Variants in MAP2K3 observed in about 807,000 individuals in gnomAD.
MAP2K3 encodes dual specificity mitogen-activated protein kinase kinase 3.
MAP2K3 carries 30 observed loss-of-function variants against 46.4 expected under a neutral mutation model. That is an observed-to-expected ratio of 0.65 (90% CI 0.48 to 0.88). The LOEUF (loss-of-function observed/expected upper bound fraction) is 0.88, where lower values mean the gene tolerates loss of function less well. MAP2K3 is among the 40% of genes least tolerant of loss of function. The pLI is 0.00. For synonymous variants in MAP2K3, 189 were observed against 176.3 expected (o/e 1.07, Z -0.57); for missense variants, 380 against 464.5 (o/e 0.82, Z 1.67).
intron 1 of MAP2K3, chr17:21,296,317 C>A: frequency 1.5e-6 from 1 of 674,510 alleles, no homozygotes; most frequent in Non-Finnish European, 2.3e-6. Context: ...GGCTGCGCCA[C>A]TCCAAGCCCA....
intron 9 of MAP2K3, among the ~76,000 whole-genome samples, chr17:21,309,179 G>A (rs1370871815): frequency 1.3e-5 from 2 of 152,310 alleles, no homozygotes; most frequent in African/African-American, 4.8e-5. Context: ...GAGCATGGCA[G>A]TGTCAGCAGA....
intron 7 of MAP2K3, among the ~76,000 whole-genome samples, chr17:21,303,744 C>G (rs1409765961): frequency 3.3e-5 from 5 of 152,308 alleles, no homozygotes; most frequent in African/African-American, 1.2e-4. Context: ...TCAGTTTGTT[C>G]CTTTTTGCTG....
chr17:21,295,245 G>T (rs1410678034), intron 1 of MAP2K3, among the ~76,000 whole-genome samples: 2 of 152,308 alleles, frequency 1.3e-5, no homozygotes, highest in African/African-American at 4.8e-5. Flanking sequence ...ATAGGGCAGA[G>T]CTGCCACGGC....
Position 21,303,252 on chromosome 17 carries a change from A to G in MAP2K3, c.568+18A>G. ...CCACAGAGGTCAGTGCCCGGCAGCC[A>G]CCCAGGCACGGTGTAGCCAGTGGGA... On this transcript the variant is annotated intron_variant, in intron 7 of 11. Coordinates refer to ENST00000342679, the MANE Select transcript of MAP2K3 (RefSeq NM_145109.3). 6.2e-7 allele frequency: 1 copy of G among 1,613,728 alleles called. No individual in the cohort carries two copies. The highest frequency in any genetic ancestry group is 8.5e-7 in the Non-Finnish European group (1 of 1,179,988).
intron 10 of MAP2K3, 65 bp from the exon 11 acceptor site, chr17:21,313,427 G>C: frequency 6.9e-7 from 1 of 1,449,842 alleles, no homozygotes; most frequent in Non-Finnish European, 9.6e-7. Flanking sequence ...GGGTGGTTTG[G>C]CTGGCCCTTG....
At chr17:21,311,697 T>G (rs575661676) in intron 9 of MAP2K3, 1 of 157,746 alleles carries the variant, frequency 6.3e-6, no homozygotes, top group African/African-American at 2.4e-5. Context: ...CCCAAATTAA[T>G]GACAGCAGAT....
At chr17:21,298,390 G>T (rs763980655) in intron 1 of MAP2K3, 23 bp from the exon 2 acceptor site, 4 of 1,614,298 alleles carry the variant, frequency 2.5e-6, no homozygotes, top group Non-Finnish European at 3.4e-6. Context: ...TAGGCCAGAC[G>T]CCTCACCTTC....
intron 1 of MAP2K3, among the ~76,000 whole-genome samples, chr17:21,296,893 T>G (rs1409566072): frequency 6.8e-6 from 1 of 148,128 alleles, no homozygotes; most frequent in Non-Finnish European, 1.5e-5. Flanking sequence ...CCAGTGCATG[T>G]GGCGGCAGCT....
chr17:21,293,278 G>A (rs1362284428), intron 1 of MAP2K3, among the ~76,000 whole-genome samples: 2 of 152,428 alleles, frequency 1.3e-5, no homozygotes, highest in East Asian at 3.8e-4. Flanking sequence ...CGTGCCTTGT[G>A]CCCCAGCCAC....
At chr17:21,308,224 T>C (rs1019637009) in intron 9 of MAP2K3, among the ~76,000 whole-genome samples, 1 of 152,118 alleles carries the variant, frequency 6.6e-6, no homozygotes, top group Non-Finnish European at 1.5e-5. Flanking sequence ...CTCAGTTCAC[T>C]GCAACCTCCG....
rs577087121 is a variant in MAP2K3, at chr17:21,311,423, CAG to C, written c.775-715_775-714del. Among the ~76,000 whole-genome samples the C allele has an allele frequency of 1.4e-4, 22 of 152,086 alleles. No individual in the cohort carries two copies. The East Asian group carries it at 4.1e-3, about 28-fold the overall frequency. The stretch of plus-strand genomic sequence containing the variant: ...CAGGGCTGGGAGCTTGGAGCGAGGA[CAG>C]AGACCCACCGGCCCGATGTCACCCA... On this transcript the variant is annotated intron_variant, in intron 9 of 11. Transcript: ENST00000342679.
At chr17:21,298,579 C>A in intron 2 of MAP2K3, 100 bp downstream of exon 2, 2 of 1,585,722 alleles carry the variant, frequency 1.3e-6, no homozygotes, top group South Asian at 2.2e-5. Context: ...CCCTGCTTTA[C>A]CTCGTCCTGT....
chr17:21,298,845 C>T, intron 2 of MAP2K3, 33 bp from the exon 3 acceptor site: 2 of 1,614,290 alleles, frequency 1.2e-6, no homozygotes, highest in Non-Finnish European at 1.7e-6. Context: ...GTGTGGTTCT[C>T]TCTGAAGCTC....
Position 21,284,896 on chromosome 17 carries a change from C to A in MAP2K3, c.-25C>A, listed in dbSNP as rs1162536116. 1 of 1,611,520 alleles carries A rather than the reference C, an allele frequency of 6.2e-7. No homozygotes were observed. The highest frequency in any genetic ancestry group is 1.3e-5 in the African/African-American group (1 of 74,910). On this transcript the variant is annotated 5_prime_UTR_variant, in exon 1 of 12. Coordinates refer to ENST00000342679, the MANE Select transcript of MAP2K3 (RefSeq NM_145109.3). The stretch of plus-strand genomic sequence containing the variant: ...CCGCAGTCCTCTAGATTAGTCTCCA[C>A]CGCCGTCCAGGACCCACTTGCAGCA...
Position 21,300,608 on chromosome 17 carries a change from G to A in MAP2K3, c.229G>A (p.Val77Met). Residue 77 changes from valine to methionine, a missense_variant, in exon 4 of 12, where the codon GTG becomes ATG. Around this residue, in one of 5 missense-constraint regions of MAP2K3, gnomAD observed 294 missense variants for 275.4 expected, o/e 1.07. Coordinates refer to ENST00000342679, the MANE Select transcript of MAP2K3 (RefSeq NM_145109.3). ...ISELGRGAYG[V>M]VEKVRHAQSG... ...AGAACTGGGCCGTGGAGCCTATGGG[G>A]TGGTAGAGAAGGTGCGGCACGCCCA... 2 of 1,613,214 alleles carry A rather than the reference G, an allele frequency of 1.2e-6. No individual in the cohort carries two copies. The highest frequency in any genetic ancestry group is 1.7e-6 in the Non-Finnish European group (2 of 1,179,640).
intron 1 of MAP2K3, among the ~76,000 whole-genome samples, chr17:21,293,899 C>G (rs568915246): frequency 6.6e-6 from 1 of 152,308 alleles, no homozygotes; most frequent in Admixed American, 6.5e-5. Context: ...GACAGGGGCC[C>G]CAGAACCTCA....
chr17:21,293,549 G>A lies in MAP2K3; in HGVS notation c.50-4864G>A, dbSNP rs972021524. Among the ~76,000 whole-genome samples the A allele has an allele frequency of 2.6e-5, 4 of 152,424 alleles. No individual in the cohort carries two copies. The South Asian group carries it at 8.3e-4, about 32-fold the overall frequency. On this transcript the variant is annotated intron_variant, in intron 1 of 11. Coordinates refer to ENST00000342679, the MANE Select transcript of MAP2K3 (RefSeq NM_145109.3). ...CTGGTCCGGAGCATCACCGGGGAGG[G>A]GGCGCTGCCAGGTGGATAGTCTGGG...
At chr17:21,292,751 T>C (rs954133292) in intron 1 of MAP2K3, among the ~76,000 whole-genome samples, 3 of 152,310 alleles carry the variant, frequency 2.0e-5, no homozygotes, top group African/African-American at 7.2e-5. Flanking sequence ...CCTCCCAAAG[T>C]GCTGGGATTA....
At chr17:21,305,028 C>T (rs760227302) in intron 8 of MAP2K3, 23 bp from the exon 9 acceptor site, 24 of 1,614,172 alleles carry the variant, frequency 1.5e-5, no homozygotes, top group South Asian at 7.7e-5. Context: ...CGGGTGTTCA[C>T]GCCTCACTCT....
Sources: allele counts gnomAD v4.1 joint callset (sites outside exome capture counted in the v4.1 genomes callset), GRCh38; gene constraint gnomAD v4.1.1; regional missense constraint gnomAD v4.1.1; transcripts MANE v1.5; gene names NCBI Gene and HGNC (gene_info 2026-07-23, HGNC 2026-07-21).